The following PIWIL3 variants were observed in gnomAD, a reference collection of about 807,000 sequenced individuals.
PIWIL3 encodes the protein piwi-like protein 3.
In PIWIL3, 101 loss-of-function variants were observed where a neutral mutation model predicts 109.7. The observed-to-expected ratio is 0.92, with a 90% CI of 0.78 to 1.09. PIWIL3 has a LOEUF of 1.09. Among genes scored for constraint, PIWIL3 ranks in the 50% least tolerant of loss-of-function variants. PIWIL3 has a pLI of 0.00. For missense variants in PIWIL3, 1,031 were observed against 1,072.6 expected, an observed-to-expected ratio of 0.96 and a Z score of 0.54; for synonymous variants, 373 against 376.4, an observed-to-expected ratio of 0.99 and a Z score of 0.10.
At chr22:24,742,685 T>C (rs1301557253) in intron 12 of PIWIL3, among the ~76,000 whole-genome samples, 1 of 152,168 alleles carries the variant, frequency 6.6e-6, no homozygotes, top group African/African-American at 2.4e-5. Flanking sequence ...GCTGGTATAA[T>C]TGGCAAGCCA....
chr22:24,729,592 T>C (rs1040479502), intron 14 of PIWIL3, among the ~76,000 whole-genome samples: 1 of 152,230 alleles, frequency 6.6e-6, no homozygotes, highest in Admixed American at 6.5e-5. Flanking sequence ...TGGTTACTAA[T>C]TGGCCTGTTC....
chr22:24,735,821 T>C lies in PIWIL3; in HGVS notation c.1521A>G (p.Leu507=), dbSNP rs953337707. The change falls in exon 13 of 21, where the codon CTA becomes CTG. Residue 507 remains leucine, a synonymous_variant. Coordinates refer to ENST00000616349, the MANE Select transcript of PIWIL3 (RefSeq NM_001255975.1). Reference sequence around the variant, plus strand: ...TGCTATAGAGTATGAGCCAACTATGTAGTGGCATTGCATTAAGTAAGGGTA... The same window carrying C: ...TGCTATAGAGTATGAGCCAACTATGCAGTGGCATTGCATTAAGTAAGGGTA... The part of the protein sequence containing the change: ...RELPLLNAMP[L]HSWLILYSRS... 6.2e-7 allele frequency: 1 copy of C among 1,613,300 alleles called. No individual in the cohort carries two copies. The highest frequency in any genetic ancestry group is 1.3e-5 in the African/African-American group (1 of 74,938).
chr22:24,764,465 C>A lies in PIWIL3; in HGVS notation c.-22-1944G>T, dbSNP rs572088723. On this transcript the variant is annotated intron_variant, in intron 1 of 20. Coordinates refer to ENST00000616349, the MANE Select transcript of PIWIL3 (RefSeq NM_001255975.1). ...GTCCTTGGATTCAAACCTAGAAGCA[C>A]CCTTACTCATCTGGTAAGCACTGAT... 4.3e-3 allele frequency among the ~76,000 whole-genome samples: 657 copies of A among 152,292 alleles called. 1 individual carries two copies. The highest frequency in any genetic ancestry group is 6.6e-3 in the Non-Finnish European group (449 of 68,024).
chr22:24,728,664 A>G (rs1424297687), intron 14 of PIWIL3, among the ~76,000 whole-genome samples: 1 of 152,230 alleles, frequency 6.6e-6, no homozygotes, highest in Non-Finnish European at 1.5e-5. Context: ...AACTATAATT[A>G]ACATTAAATT....
chr22:24,728,108 ATT>A, intron 15 of PIWIL3, 55 bp from the exon 16 acceptor site: 1 of 1,607,144 alleles, frequency 6.2e-7, no homozygotes, highest in South Asian at 1.1e-5. Context: ...AAATTTAAGC[ATT>A]AACAATTAAG....
rs762005334 is a variant in PIWIL3 at position 24,749,492 on chromosome 22, TATA to T, written c.1243_1245del (p.Tyr415del). The T allele has an allele frequency of 5.6e-6, 9 of 1,613,578 alleles. No homozygotes were observed. The African/African-American group carries it at 8.0e-5, about 14-fold the overall frequency. ...TGTTTAGCCAATTCTTTCACAATGC[TATA>T]ATCTTTACATATTTCATCTGTTAGA... On this transcript the variant is annotated inframe_deletion, in exon 11 of 21. Coordinates refer to ENST00000616349, the MANE Select transcript of PIWIL3 (RefSeq NM_001255975.1).
chr22:24,762,375 G>A, intron 2 of PIWIL3, 23 bp downstream of exon 2: 10 of 1,600,302 alleles, frequency 6.2e-6, no homozygotes, highest in Non-Finnish European at 8.5e-6. Flanking sequence ...CTTGCAGAAA[G>A]GAAACAACGT....
rs1266666024 is a variant in PIWIL3, at chr22:24,748,713, C to CATA, written c.1449+191_1449+193dup. ...TTGTCCAGAATATTAATTAGATAGA[C>CATA]ATAATACAGAGCTTACTATGTGCCA... On this transcript the variant is annotated intron_variant, in intron 12 of 20. Coordinates refer to ENST00000616349, the MANE Select transcript of PIWIL3 (RefSeq NM_001255975.1). 2.0e-5 allele frequency among the ~76,000 whole-genome samples: 3 copies of CATA among 152,156 alleles called. No individual in the cohort carries two copies. The East Asian group carries it at 5.8e-4, about 29-fold the overall frequency.
intron 1 of PIWIL3, among the ~76,000 whole-genome samples, chr22:24,772,944 TC>T (rs569447632): frequency 1.3e-4 from 20 of 152,114 alleles, no homozygotes; most frequent in Non-Finnish European, 2.9e-4. Context: ...TCCTTCTCCC[TC>T]CCCAGGCCTC....
chr22:24,727,080 A>G (rs2147652265), intron 16 of PIWIL3, among the ~76,000 whole-genome samples: 1 of 152,350 alleles, frequency 6.6e-6, no homozygotes, highest in Non-Finnish European at 1.5e-5. Flanking sequence ...TCCTATACTT[A>G]CAGATCTCTG....
At chr22:24,751,671 T>C (rs1232107971) in intron 8 of PIWIL3, among the ~76,000 whole-genome samples, 173 bp from the exon 9 acceptor site, 3 of 152,244 alleles carry the variant, frequency 2.0e-5, no homozygotes, top group African/African-American at 7.2e-5. Flanking sequence ...CACCTGGTTT[T>C]TACTACAGCC....
intron 1 of PIWIL3, among the ~76,000 whole-genome samples, chr22:24,766,004 A>G (rs1393289791): frequency 1.3e-5 from 2 of 151,390 alleles, no homozygotes; most frequent in African/African-American, 4.8e-5. Flanking sequence ...CTTTTAGTCA[A>G]CTGTAGGTTA....
intron 2 of PIWIL3, among the ~76,000 whole-genome samples, chr22:24,761,666 G>C (rs1925446596): frequency 6.6e-6 from 1 of 152,006 alleles, no homozygotes; most frequent in Non-Finnish European, 1.5e-5. Flanking sequence ...TGGTGCCCTA[G>C]GATCTCCAGT....
intron 14 of PIWIL3, among the ~76,000 whole-genome samples, chr22:24,730,009 T>C (rs1053453588): frequency 6.6e-5 from 10 of 152,034 alleles, no homozygotes; most frequent in African/African-American, 2.4e-4. Flanking sequence ...AGGACCAGCT[T>C]TAAGTTTTTT....
chr22:24,729,925 T>A (rs1049527480), intron 14 of PIWIL3, among the ~76,000 whole-genome samples: 1 of 151,576 alleles, frequency 6.6e-6, no homozygotes, highest in East Asian at 1.9e-4. Context: ...TGATGGATTC[T>A]ACTTTTTCTT....
In PIWIL3 at chr22:24,756,724, T is replaced by TGACA. The variant is rs780759628; in HGVS notation, c.356-23_356-20dup. The TGACA allele has an allele frequency of 6.3e-7, 1 of 1,590,944 alleles. No individual in the cohort carries two copies. The highest frequency in any genetic ancestry group is 8.6e-7 in the Non-Finnish European group (1 of 1,160,596). On this transcript the variant is annotated intron_variant, in intron 4 of 20. Coordinates refer to ENST00000616349, the MANE Select transcript of PIWIL3 (RefSeq NM_001255975.1). Reference sequence around the variant, plus strand: ...TCTGAACCTGAAAAATGGAGCCACATGACAATAAAGAAACAGACTGATTGG... The same window carrying TGACA: ...TCTGAACCTGAAAAATGGAGCCACATGACAGACAATAAAGAAACAGACTGATTGG...
chr22:24,719,315 A>C lies in PIWIL3; in HGVS notation c.*157T>G, dbSNP rs1922522694. ...AAAATCAGTCTGTGGTAGTATTGAGAGTAGAACATATCACTCTGAATCTCT... is the reference window on the plus strand; with the variant it reads ...AAAATCAGTCTGTGGTAGTATTGAGCGTAGAACATATCACTCTGAATCTCT... On this transcript the variant is annotated 3_prime_UTR_variant, in exon 21 of 21. Transcript: ENST00000616349. 2.2e-5 allele frequency: 12 copies of C among 537,810 alleles called. No individual in the cohort carries two copies. In the South Asian group the frequency reaches 3.8e-4, roughly 17 times the overall value. 33.3% of individuals were successfully genotyped at this position (537,810 alleles called of 1,614,324 possible). A position where few individuals can be genotyped will look rare whatever the true frequency, so the allele number is the denominator to read the frequency against.
chr22:24,751,001 G>A (rs1924675476), intron 9 of PIWIL3, among the ~76,000 whole-genome samples: 1 of 151,854 alleles, frequency 6.6e-6, no homozygotes, highest in African/African-American at 2.4e-5. Flanking sequence ...GCAGGTGCCT[G>A]TAGTCCCAGC....
Position 24,755,900 on chromosome 22 carries a change from C to A in PIWIL3, c.576G>T (p.Val192=). Residue 192 remains valine (V), a synonymous_variant, in exon 6 of 21, where the codon GTG becomes GTT. Coordinates refer to ENST00000616349, the MANE Select transcript of PIWIL3 (RefSeq NM_001255975.1). The part of the protein sequence containing the change: ...LLSRPLKERR[V]EWLSTTKDKN... ...TGTCTTTGGTTGTGCTCAACCATTC[C>A]ACTCTCTGAGATTAAAAAAAAACAA... is the stretch of plus-strand genomic sequence containing the variant. 2 of 1,610,728 alleles carry A rather than the reference C, an allele frequency of 1.2e-6. No homozygotes were observed. Among genetic ancestry groups the A allele is most frequent in the Non-Finnish European group, 1.7e-6 (2 of 1,178,788 alleles).
Sources: allele counts gnomAD v4.1 joint callset (sites outside exome capture counted in the v4.1 genomes callset), GRCh38; gene constraint gnomAD v4.1.1; transcripts MANE v1.5; gene names NCBI Gene and HGNC (gene_info 2026-07-23, HGNC 2026-07-21).